SLC17A8: variants seen among roughly 807,000 people sequenced by gnomAD.
SLC17A8 encodes vesicular glutamate transporter 3.
Under a neutral mutation model 58.0 loss-of-function variants are expected in SLC17A8, and 31 were observed. The ratio of observed to expected loss-of-function variants is 0.53; its 90% CI spans 0.40 to 0.72. SLC17A8 has a LOEUF of 0.72. Ranked by LOEUF, SLC17A8 falls within the 30% of genes least tolerant of loss-of-function variation. The pLI is 0.00. For missense variants in SLC17A8, 655 were observed against 727.8 expected (o/e 0.90, Z 1.15); for synonymous variants, 228 against 249.0 (o/e 0.92, Z 0.79).
Position 100,411,695 on chromosome 12 carries a change from T to C in SLC17A8, c.1187-1075T>C, listed in dbSNP as rs551973252. Among the ~76,000 whole-genome samples, 8 of 152,288 alleles carry C rather than the reference T, an allele frequency of 5.3e-5. No individual in the cohort carries two copies. In the South Asian group the frequency reaches 8.3e-4, roughly 16 times the overall value. On this transcript the variant is annotated intron_variant, in intron 9 of 11. Transcript: ENST00000323346. ...TATCATTTTTCTGTCTGTTGTCAGCTGAACTTTTTTTTCGGGTGAGAAGGA... is the reference window on the plus strand; with the variant it reads ...TATCATTTTTCTGTCTGTTGTCAGCCGAACTTTTTTTTCGGGTGAGAAGGA...
chr12:100,373,299 A>C (rs953505189), intron 1 of SLC17A8, among the ~76,000 whole-genome samples: 2 of 152,232 alleles, frequency 1.3e-5, no homozygotes, highest in African/African-American at 2.4e-5. Flanking sequence ...CCAACTCCTA[A>C]GAAATGAGTT....
chr12:100,402,608 C>G lies in SLC17A8; in HGVS notation c.916C>G (p.Pro306Ala), dbSNP rs145107694. 2 of 1,613,716 alleles carry G rather than the reference C, an allele frequency of 1.2e-6. No individual in the cohort carries two copies. Among genetic ancestry groups the G allele is most frequent in the Non-Finnish European group, 1.7e-6 (2 of 1,179,956 alleles). The change falls in exon 8 of 12, where the codon CCA (proline) becomes GCA (alanine). Residue 306 changes from proline to alanine, a missense_variant. Coordinates refer to ENST00000323346, the MANE Select transcript of SLC17A8 (RefSeq NM_139319.3). The stretch of plus-strand genomic sequence containing the variant: ...TTTTACTCCCTAGAAATTTAGTACC[C>G]CATGGAAAAGATTTTTCACATCTTT... ...NVVSLSKFST[P>A]WKRFFTSLPV...
intron 2 of SLC17A8, among the ~76,000 whole-genome samples, chr12:100,387,557 T>G (rs1283508454): frequency 6.6e-6 from 1 of 152,090 alleles, no homozygotes; most frequent in Non-Finnish European, 1.5e-5. Flanking sequence ...GAGAAAGGCA[T>G]GAGAAAGGGA....
Position 100,420,869 on chromosome 12 carries a change from G to A in SLC17A8, c.*710G>A. 1 of 152,532 alleles carries A rather than the reference G, an allele frequency of 6.6e-6. No homozygotes were observed. The allele number at this position is 152,532 out of a possible 1,614,324, so 9.4% of individuals were successfully genotyped here. A position where few individuals can be genotyped will look rare whatever the true frequency, so the allele number is the denominator to read the frequency against. On this transcript the variant is annotated 3_prime_UTR_variant, in exon 12 of 12. Coordinates refer to ENST00000323346, the MANE Select transcript of SLC17A8 (RefSeq NM_139319.3). ...AGGTGTTGGGGAAGGGAAACATTTG[G>A]GTTGATGAGGCAGAGGGGATTCAAA...
At chr12:100,381,391 T>C (rs1256555952) in intron 2 of SLC17A8, among the ~76,000 whole-genome samples, 2 of 151,732 alleles carry the variant, frequency 1.3e-5, no homozygotes, top group African/African-American at 4.9e-5. Context: ...TTTGAGGGGG[T>C]AGGTGCCACG....
chr12:100,360,054 GC>G (rs1216007765), intron 1 of SLC17A8, among the ~76,000 whole-genome samples: 1 of 152,166 alleles, frequency 6.6e-6, no homozygotes, highest in Non-Finnish European at 1.5e-5. Flanking sequence ...AGTGGCAATT[GC>G]ACAGGGAAGC....
rs1486904388 is a variant in SLC17A8 at position 100,412,799 on chromosome 12, G to C, written c.1216G>C (p.Val406Leu). The change falls in exon 10 of 12, where the codon GTG becomes CTG. Residue 406 changes from valine to leucine, a missense_variant. Transcript: ENST00000323346. ...GFGMEATLLL[V>L]VGFSHTKGVA... ...TGGCATGGAGGCAACCTTACTCCTG[G>C]TGGTTGGCTTTTCGCATACCAAAGG... 3 of 1,614,074 alleles carry C rather than the reference G, an allele frequency of 1.9e-6. No individual in the cohort carries two copies. Among genetic ancestry groups the C allele is most frequent in the Non-Finnish European group, 2.5e-6 (3 of 1,179,990 alleles).
intron 1 of SLC17A8, among the ~76,000 whole-genome samples, chr12:100,360,474 G>C (rs1009414548): frequency 9.2e-5 from 14 of 152,024 alleles, no homozygotes; most frequent in Non-Finnish European, 1.6e-4. Flanking sequence ...TCACTCTGTT[G>C]CCTAGGCTGG....
intron 2 of SLC17A8, among the ~76,000 whole-genome samples, chr12:100,384,656 T>TCGTGAAAGCCAAGGGCAGAAA (rs906414744): frequency 5.9e-5 from 9 of 152,120 alleles, no homozygotes; most frequent in Non-Finnish European, 4.4e-5. Flanking sequence ...AAAGCAGGTC[T>TCGTGAAAGCCAAGGGCAGAAA]GTGGTGTATG....
intron 5 of SLC17A8, among the ~76,000 whole-genome samples, chr12:100,399,299 TG>T (rs767528180): frequency 2.0e-4 from 31 of 152,230 alleles, no homozygotes; most frequent in Admixed American, 4.6e-4. Context: ...CAGTAAGGGC[TG>T]AGTGCCCTGT....
chr12:100,420,285 C>A lies in SLC17A8; in HGVS notation c.*126C>A. On this transcript the variant is annotated 3_prime_UTR_variant, in exon 12 of 12. Coordinates refer to ENST00000323346, the MANE Select transcript of SLC17A8 (RefSeq NM_139319.3). ...GGAGGGGAGAAGATCTAACCAGCAA[C>A]AGGGAAAAGAGAAATATTATCTTTC... 1 of 714,964 alleles carries A rather than the reference C, an allele frequency of 1.4e-6. No individual in the cohort carries two copies. Among genetic ancestry groups the A allele is most frequent in the Non-Finnish European group, 2.4e-6 (1 of 415,326 alleles). The allele number at this position is 714,964 out of a possible 1,614,324, so 44.3% of individuals were successfully genotyped here.
intron 1 of SLC17A8, among the ~76,000 whole-genome samples, chr12:100,373,127 G>A (rs1354703039): frequency 2.0e-5 from 3 of 152,102 alleles, no homozygotes; most frequent in African/African-American, 4.8e-5. Context: ...GTGTGCAGAG[G>A]GCCAGCAGTC....
chr12:100,370,092 A>ATATT (rs1455810743), intron 1 of SLC17A8, among the ~76,000 whole-genome samples: 1 of 151,906 alleles, frequency 6.6e-6, no homozygotes, highest in Non-Finnish European at 1.5e-5. Context: ...CTATCTCCTG[A>ATATT]TATTTATTTA....
intron 9 of SLC17A8, among the ~76,000 whole-genome samples, chr12:100,404,880 C>T (rs929693819): frequency 2.0e-5 from 3 of 152,222 alleles, no homozygotes; most frequent in African/African-American, 7.2e-5. Context: ...TGCAAGGTAT[C>T]AGGTAGGCCG....
At chr12:100,416,651 T>A (rs1372893182) in intron 10 of SLC17A8, among the ~76,000 whole-genome samples, 1 of 152,182 alleles carries the variant, frequency 6.6e-6, no homozygotes, top group African/African-American at 2.4e-5. Context: ...GGTAATTAAT[T>A]TAGCAACTAT....
chr12:100,406,530 A>G (rs934505439), intron 9 of SLC17A8, among the ~76,000 whole-genome samples: 3 of 151,110 alleles, frequency 2.0e-5, no homozygotes, highest in East Asian at 3.9e-4. Context: ...CGGAATGGAT[A>G]TGATCTCATT....
chr12:100,414,379 C>A (rs553116335), intron 10 of SLC17A8, among the ~76,000 whole-genome samples: 117 of 152,288 alleles, frequency 7.7e-4, no homozygotes, highest in Non-Finnish European at 1.5e-3. Context: ...TTAAAAGTAA[C>A]TTGCAGCTAA....
At chr12:100,402,794 T>A (rs375823168) in intron 8 of SLC17A8, 49 bp downstream of exon 8, 44 of 1,536,550 alleles carry the variant, frequency 2.9e-5, no homozygotes, top group East Asian at 1.1e-4. Flanking sequence ...ATCTCTTGAT[T>A]CTACAGAGAA....
At chr12:100,378,891 C>A (rs1592992511) in intron 1 of SLC17A8, among the ~76,000 whole-genome samples, 1 of 152,154 alleles carries the variant, frequency 6.6e-6, no homozygotes, top group East Asian at 1.9e-4. Flanking sequence ...TCTACCATTG[C>A]TTTTCACTTT....
Sources: allele counts gnomAD v4.1 joint callset (sites outside exome capture counted in the v4.1 genomes callset), GRCh38; gene constraint gnomAD v4.1.1; transcripts MANE v1.5; gene names NCBI Gene and HGNC (gene_info 2026-07-23, HGNC 2026-07-21).